The following ST8SIA5 variants were observed in gnomAD, a reference collection of about 807,000 sequenced individuals.
ST8SIA5 encodes the protein ST8 alpha-N-acetyl-neuraminide alpha-2,8-sialyltransferase 5.
In ST8SIA5, 24 loss-of-function variants were observed where a neutral mutation model predicts 40.2. The observed-to-expected ratio is 0.60, with a 90% CI of 0.43 to 0.84. The LOEUF (loss-of-function observed/expected upper bound fraction) is 0.84, where lower values mean the gene tolerates loss of function less well. ST8SIA5 is among the 40% of genes least tolerant of loss of function. The pLI, the probability that ST8SIA5 is intolerant of heterozygous loss-of-function variation, is 0.00. For synonymous variants in ST8SIA5, 198 were observed against 201.8 expected, an observed-to-expected ratio of 0.98 and a Z score of 0.16; for missense variants, 465 against 498.5, an observed-to-expected ratio of 0.93 and a Z score of 0.64.
intron 1 of ST8SIA5, among the ~76,000 whole-genome samples, chr18:46,719,686 C>CTTTCTTTCTTTCTTTCTTTCTTTCTT (rs1373267870): frequency 1.4e-5 from 2 of 142,146 alleles, no homozygotes; most frequent in Non-Finnish European, 1.5e-5. Context: ...TTTCTTTTTT[C>CTTTCTTTCTTTCTTTCTTTCTTTCTT]TTTCTTTCTT....
At position 46,704,626 on chromosome 18, in the gene ST8SIA5, G is replaced by A. The variant is rs758958557; in HGVS notation, c.170C>T (p.Ser57Phe). 31 of 1,614,126 alleles carry A rather than the reference G, an allele frequency of 1.9e-5. No homozygotes were observed. Among genetic ancestry groups the A allele is most frequent in the Non-Finnish European group, 2.5e-5 (30 of 1,180,040 alleles). ...GTGCCTCAGCTCCAGGCATCTTGTG[G>A]AGTTATATTCAAAAGGCCCCTCATA... ...EFYEGPFEYN[S>F]TRCLELRHEI... The change falls in exon 2 of 7, where the codon TCC becomes TTC. Residue 57 changes from serine (S) to phenylalanine (F), a missense_variant. Coordinates refer to ENST00000315087, the MANE Select transcript of ST8SIA5 (RefSeq NM_013305.6).
intron 2 of ST8SIA5, among the ~76,000 whole-genome samples, chr18:46,697,752 T>C (rs372373299): frequency 3.3e-5 from 5 of 152,010 alleles, no homozygotes; most frequent in African/African-American, 1.2e-4. Context: ...TCCAGAAGTA[T>C]AGGATTATTA....
At chr18:46,718,812 T>C (rs1039145438) in intron 1 of ST8SIA5, among the ~76,000 whole-genome samples, 2 of 152,168 alleles carry the variant, frequency 1.3e-5, no homozygotes, top group African/African-American at 4.8e-5. Context: ...AATATGTGAA[T>C]AATACCATGA....
intron 2 of ST8SIA5, among the ~76,000 whole-genome samples, chr18:46,699,526 C>T (rs996586902): frequency 1.3e-5 from 2 of 152,064 alleles, no homozygotes; most frequent in Non-Finnish European, 2.9e-5. Flanking sequence ...AATACAGGCG[C>T]CTGCTACTAC....
intron 1 of ST8SIA5, among the ~76,000 whole-genome samples, chr18:46,715,765 T>C (rs961521625): frequency 2.6e-5 from 4 of 151,942 alleles, no homozygotes; most frequent in Admixed American, 2.6e-4. Flanking sequence ...ATTTTTATTT[T>C]TGGTAGAGAC....
chr18:46,735,175 C>G (rs75336002), intron 1 of ST8SIA5, among the ~76,000 whole-genome samples: 15,725 of 152,308 alleles, frequency 0.1, 1,091 homozygotes, highest in Non-Finnish European at 0.14. Context: ...CACGAGCTCT[C>G]AGGCCTTCGG....
chr18:46,740,668 ATAGAAAT>A (rs1476891500), intron 1 of ST8SIA5, among the ~76,000 whole-genome samples: 1 of 152,232 alleles, frequency 6.6e-6, no homozygotes, highest in Non-Finnish European at 1.5e-5. Context: ...GTAAATTATG[ATAGAAAT>A]TAGAAAATAA....
At chr18:46,722,771 G>A (rs1249733463) in intron 1 of ST8SIA5, among the ~76,000 whole-genome samples, 1 of 152,152 alleles carries the variant, frequency 6.6e-6, no homozygotes, top group Non-Finnish European at 1.5e-5. Context: ...ATGTCTACTG[G>A]GGGCAAAATT....
At chr18:46,710,505 T>A (rs1262957012) in intron 1 of ST8SIA5, among the ~76,000 whole-genome samples, 2 of 144,542 alleles carry the variant, frequency 1.4e-5, no homozygotes, top group Admixed American at 6.9e-5. Context: ...TCCCTTCCCT[T>A]CCCTTCTCCT....
At chr18:46,719,838 C>CTTTT (rs756825864) in intron 1 of ST8SIA5, among the ~76,000 whole-genome samples, 1 of 134,074 alleles carries the variant, frequency 7.5e-6, no homozygotes, top group Non-Finnish European at 1.6e-5. Flanking sequence ...TTCTTTCTTT[C>CTTTT]TCTCTCTCTT....
At chr18:46,710,067 T>C (rs1221668151) in intron 1 of ST8SIA5, among the ~76,000 whole-genome samples, 1 of 152,208 alleles carries the variant, frequency 6.6e-6, no homozygotes, top group Non-Finnish European at 1.5e-5. Flanking sequence ...GAGGGCACCC[T>C]GGCACCATGT....
rs1239913618 is a variant in ST8SIA5, at chr18:46,670,934, A to T, written c.*9108T>A. The T allele has an allele frequency of 6.6e-6, 1 of 152,216 alleles. No individual in the cohort carries two copies. Among genetic ancestry groups the T allele is most frequent in the African/African-American group, 2.4e-5 (1 of 41,450 alleles). 9.4% of individuals were successfully genotyped at this position (152,216 alleles called of 1,614,324 possible). A position where few individuals can be genotyped will look rare whatever the true frequency, so the allele number is the denominator to read the frequency against. ...ACCAAGTTCACTAGAACTGAATTTAAAATCAAAGCAAATGCCGTGAGATAT... is the reference window on the plus strand; with the variant it reads ...ACCAAGTTCACTAGAACTGAATTTATAATCAAAGCAAATGCCGTGAGATAT... On this transcript the variant is annotated 3_prime_UTR_variant, in exon 7 of 7. Transcript: ENST00000315087.
chr18:46,730,096 C>T (rs2039971948), intron 1 of ST8SIA5: 15 of 887,312 alleles, frequency 1.7e-5, no homozygotes, highest in African/African-American at 5.4e-5. Flanking sequence ...CAGTGCCTCT[C>T]CATCAGTCAC....
At position 46,671,862 on chromosome 18, in the gene ST8SIA5, C is replaced by CAGGGCAGCAGAACAGGGCCA; in HGVS notation, c.*8160_*8179dup. On this transcript the variant is annotated 3_prime_UTR_variant, in exon 7 of 7. Transcript: ENST00000315087. ...ACCAACCCCCAACCAGGAAAAAGAACAGGGCAGCAGAACAGGGCCAATCTC... is the reference window on the plus strand; with the variant it reads ...ACCAACCCCCAACCAGGAAAAAGAACAGGGCAGCAGAACAGGGCCAAGGGCAGCAGAACAGGGCCAATCTC... The CAGGGCAGCAGAACAGGGCCA allele has an allele frequency of 6.6e-6, 1 of 152,282 alleles. No homozygotes were observed. The highest frequency in any genetic ancestry group is 1.9e-4 in the East Asian group (1 of 5,200). The allele number at this position is 152,282 out of a possible 1,614,324, so 9.4% of individuals were successfully genotyped here.
chr18:46,696,867 A>G (rs1476221461), intron 2 of ST8SIA5, among the ~76,000 whole-genome samples: 1 of 152,348 alleles, frequency 6.6e-6, no homozygotes, highest in South Asian at 2.1e-4. Context: ...CAACAAGTGT[A>G]TGGAAGTACA....
rs760466210 is a variant in ST8SIA5 at position 46,692,121 on chromosome 18, T to C, written c.311+48A>G. The C allele has an allele frequency of 4.4e-6, 7 of 1,587,622 alleles. No individual in the cohort carries two copies. The South Asian group carries it at 7.7e-5, about 18-fold the overall frequency. Reference sequence around the variant, plus strand: ...CAATGGAGACCAGAAGAGGTGGCAGTGAGGAGAATCATACAAGGAGAAGGG... The same window carrying C: ...CAATGGAGACCAGAAGAGGTGGCAGCGAGGAGAATCATACAAGGAGAAGGG... On this transcript the variant is annotated intron_variant, in intron 3 of 6. Transcript: ENST00000315087.
At chr18:46,711,396 A>G (rs2144512090) in intron 1 of ST8SIA5, among the ~76,000 whole-genome samples, 1 of 152,324 alleles carries the variant, frequency 6.6e-6, no homozygotes, top group Middle Eastern at 3.4e-3. Flanking sequence ...TAACTTGCCC[A>G]AGGTCATTCA....
At chr18:46,712,779 C>G (rs532505930) in intron 1 of ST8SIA5, among the ~76,000 whole-genome samples, 1 of 151,940 alleles carries the variant, frequency 6.6e-6, no homozygotes, top group Non-Finnish European at 1.5e-5. Flanking sequence ...TCCACAGGGG[C>G]GACAATAAAT....
At chr18:46,756,247 T>C in intron 1 of ST8SIA5, 131 bp downstream of exon 1, 2 of 1,324,178 alleles carry the variant, frequency 1.5e-6, no homozygotes, top group South Asian at 1.6e-5. Context: ...TAAGCGGCCA[T>C]GCTCGGGGCT....
Sources: allele counts gnomAD v4.1 joint callset (sites outside exome capture counted in the v4.1 genomes callset), GRCh38; gene constraint gnomAD v4.1.1; transcripts MANE v1.5; gene names NCBI Gene and HGNC (gene_info 2026-07-23, HGNC 2026-07-21).